The following LAMA1 variants were observed in gnomAD, a reference collection of about 807,000 sequenced individuals.
The protein encoded by LAMA1 is laminin subunit alpha-1.
LAMA1 carries 219 observed loss-of-function variants against 348.7 expected under a neutral mutation model. The ratio of observed to expected loss-of-function variants is 0.63; its 90% CI spans 0.56 to 0.70. The LOEUF is 0.70. Among genes scored for constraint, LAMA1 ranks in the 30% least tolerant of loss-of-function variants. The pLI is 0.00. For synonymous variants in LAMA1, 1,487 were observed against 1,491.0 expected, an observed-to-expected ratio of 1.00 and a Z score of 0.06; for missense variants, 3,744 against 3,888.0, an observed-to-expected ratio of 0.96 and a Z score of 0.99.
intron 61 of LAMA1, 35 bp downstream of exon 61, chr18:6,947,128 G>A (rs780294194): frequency 6.2e-7 from 1 of 1,613,690 alleles, no homozygotes; most frequent in Admixed American, 1.7e-5. Context: ...CTGACACTGG[G>A]GGGAGGAAGA....
chr18:6,950,749 G>A, intron 58 of LAMA1, 33 bp downstream of exon 58: 2 of 1,612,152 alleles, frequency 1.2e-6, no homozygotes, highest in Non-Finnish European at 1.7e-6. Context: ...ACAGAACTCA[G>A]AAGCAGCCAC....
At chr18:6,961,183 C>T (rs1256347824) in intron 53 of LAMA1, among the ~76,000 whole-genome samples, 1 of 152,146 alleles carries the variant, frequency 6.6e-6, no homozygotes, top group Non-Finnish European at 1.5e-5. Flanking sequence ...TCCTTTCAAT[C>T]CTATAATAGA....
intron 1 of LAMA1, among the ~76,000 whole-genome samples, chr18:7,113,014 C>A (rs1189676942): frequency 6.6e-6 from 1 of 152,190 alleles, no homozygotes; most frequent in African/African-American, 2.4e-5. Context: ...GAAGTGGCTA[C>A]TAACTGCTAG....
intron 3 of LAMA1, among the ~76,000 whole-genome samples, chr18:7,078,343 T>A (rs2058179122): frequency 1.3e-5 from 2 of 151,216 alleles, no homozygotes; most frequent in South Asian, 4.2e-4. Flanking sequence ...ATTTTTTGTA[T>A]TTTTAGTAAA....
At chr18:7,072,691 C>A (rs1475090355) in intron 3 of LAMA1, among the ~76,000 whole-genome samples, 1 of 152,106 alleles carries the variant, frequency 6.6e-6, no homozygotes, top group African/African-American at 2.4e-5. Context: ...AAATCCTGCC[C>A]CAGGATGTCG....
chr18:7,082,624 A>G (rs4797279), intron 1 of LAMA1, among the ~76,000 whole-genome samples: 7,678 of 152,318 alleles, frequency 0.05, 445 homozygotes, highest in East Asian at 0.28. Context: ...ATATTCAGGT[A>G]TTCTGATTCA....
chr18:7,009,144 A>G, intron 27 of LAMA1, 95 bp downstream of exon 27: 2 of 1,361,144 alleles, frequency 1.5e-6, no homozygotes, highest in African/African-American at 1.4e-5. Context: ...ATGGATTAAT[A>G]AAAATAGTAG....
intron 3 of LAMA1, among the ~76,000 whole-genome samples, chr18:7,077,927 G>C (rs1281493749): frequency 2.0e-5 from 3 of 151,266 alleles, no homozygotes; most frequent in Non-Finnish European, 4.4e-5. Context: ...TCAGAAGTTC[G>C]AGACCACACT....
chr18:7,035,077 T>C (rs2057988259), intron 13 of LAMA1, among the ~76,000 whole-genome samples: 1 of 152,212 alleles, frequency 6.6e-6, no homozygotes, highest in African/African-American at 2.4e-5. Context: ...CAAAAGTGAT[T>C]TACCGTGTGC....
intron 26 of LAMA1, 22 bp from the exon 27 acceptor site, chr18:7,009,388 C>CA: frequency 6.2e-7 from 1 of 1,613,454 alleles, no homozygotes; most frequent in Admixed American, 1.7e-5. Flanking sequence ...GAAACACATT[C>CA]AATTAAGCTC....
At chr18:6,989,123 CA>C (rs1274684180) in intron 36 of LAMA1, among the ~76,000 whole-genome samples, 7 of 152,186 alleles carry the variant, frequency 4.6e-5, no homozygotes, top group Admixed American at 4.6e-4. Flanking sequence ...ACAGCTCCAA[CA>C]AAATCCCTGG....
chr18:6,985,374 T>G lies in LAMA1; in HGVS notation c.5523A>C (p.Leu1841=). Residue 1841 remains leucine (L), a synonymous_variant, in exon 39 of 63, where the codon CTA becomes CTC. Transcript: ENST00000389658. ...GCCTGATTTTGGCAGACCATAAAAG[T>G]AGCTTATCCTGGTGATCCTCTAAGT... ...LEHLEDHQDK[L]LLWSAKIRHH... is the part of the protein sequence containing the mutation. 1.2e-6 allele frequency: 2 copies of G among 1,614,216 alleles called. No homozygotes were observed. Among genetic ancestry groups the G allele is most frequent in the East Asian group, 4.5e-5 (2 of 44,886 alleles).
At chr18:7,071,140 C>T (rs1345008026) in intron 3 of LAMA1, among the ~76,000 whole-genome samples, 1 of 152,092 alleles carries the variant, frequency 6.6e-6, no homozygotes, top group Non-Finnish European at 1.5e-5. Context: ...AATTGGAGAC[C>T]AAAGACAAGG....
rs201040898 is a variant in LAMA1 at position 6,986,212 on chromosome 18, C to A, written c.5304G>T (p.Val1768=). The part of the protein sequence containing the change: ...NNELKAAEAL[V]REAEAKMQES... ...CCTGCATCTTTGCCTCAGCTTCCCT[C>A]ACGAGCGCCTCAGCCGCCTTTAGTT... Residue 1768 remains valine, a synonymous_variant, in exon 37 of 63, where the codon GTG becomes GTT. Coordinates refer to ENST00000389658, the MANE Select transcript of LAMA1 (RefSeq NM_005559.4). The A allele has an allele frequency of 9.9e-6, 16 of 1,614,202 alleles. No homozygotes were observed. In the Admixed American group the frequency reaches 1.5e-4, roughly 15 times the overall value.
intron 1 of LAMA1, among the ~76,000 whole-genome samples, chr18:7,103,803 A>G (rs926722067): frequency 6.7e-6 from 1 of 148,890 alleles, no homozygotes; most frequent in African/African-American, 2.5e-5. Flanking sequence ...TGGGTGACAG[A>G]GTAAGACTCC....
intron 42 of LAMA1, among the ~76,000 whole-genome samples, chr18:6,979,816 G>A (rs1028283284): frequency 2.0e-5 from 3 of 151,990 alleles, no homozygotes; most frequent in Non-Finnish European, 4.4e-5. Context: ...GGAGAATGGT[G>A]TGAACCCGGG....
chr18:6,979,860 C>T (rs542131540), intron 42 of LAMA1, among the ~76,000 whole-genome samples: 14 of 152,312 alleles, frequency 9.2e-5, no homozygotes, highest in South Asian at 2.1e-4. Flanking sequence ...GATCGCGCCA[C>T]TGCACTCCAG....
At chr18:7,030,353 G>A (rs2144157059) in intron 16 of LAMA1, among the ~76,000 whole-genome samples, 1 of 152,300 alleles carries the variant, frequency 6.6e-6, no homozygotes, top group East Asian at 1.9e-4. Flanking sequence ...AGTCATGAAG[G>A]ACAAGGAAGT....
intron 1 of LAMA1, among the ~76,000 whole-genome samples, chr18:7,105,485 CAA>C (rs1350967538): frequency 2.1e-5 from 3 of 145,702 alleles, no homozygotes; most frequent in Admixed American, 6.8e-5. Flanking sequence ...AATAAACAAA[CAA>C]GAGCAGAAGA....
Sources: allele counts gnomAD v4.1 joint callset (sites outside exome capture counted in the v4.1 genomes callset), GRCh38; gene constraint gnomAD v4.1.1; transcripts MANE v1.5; gene names NCBI Gene and HGNC (gene_info 2026-07-23, HGNC 2026-07-21).